Variants in PPP4R2 observed in about 807,000 individuals in gnomAD.
The protein encoded by PPP4R2 is protein phosphatase 4 regulatory subunit 2, also known as serine/threonine-protein phosphatase 4 regulatory subunit 2.
PPP4R2 carries 13 observed loss-of-function variants against 47.2 expected under a neutral mutation model. That is an observed-to-expected ratio of 0.28 (90% confidence interval 0.18 to 0.44). The LOEUF (loss-of-function observed/expected upper bound fraction) is 0.44. Ranked by LOEUF, PPP4R2 falls within the 20% of genes least tolerant of loss-of-function variation. PPP4R2 has a pLI of 1.00. For missense variants in PPP4R2, 421 were observed against 491.2 expected, an observed-to-expected ratio of 0.86 and a Z score of 1.35; for synonymous variants, 151 against 163.3, an observed-to-expected ratio of 0.92 and a Z score of 0.57.
chr3:73,010,661 C>T (rs1701705243), intron 2 of PPP4R2, among the ~76,000 whole-genome samples: 1 of 151,874 alleles, frequency 6.6e-6, no homozygotes, highest in Non-Finnish European at 1.5e-5. Flanking sequence ...CGGTTTCGAG[C>T]GATTCTCTTG....
intron 2 of PPP4R2, among the ~76,000 whole-genome samples, chr3:73,003,643 T>C (rs967141561): frequency 6.6e-5 from 10 of 152,200 alleles, no homozygotes; most frequent in African/African-American, 2.4e-4. Context: ...ATGAAGCTTA[T>C]TCTTTAATAG....
chr3:73,050,764 T>A (rs991181712), intron 3 of PPP4R2, among the ~76,000 whole-genome samples: 3 of 152,232 alleles, frequency 2.0e-5, no homozygotes, highest in Non-Finnish European at 2.9e-5. Flanking sequence ...TTTTCTATTA[T>A]GTGAATAATA....
chr3:73,037,269 G>C (rs942002972), intron 2 of PPP4R2, among the ~76,000 whole-genome samples: 9 of 152,114 alleles, frequency 5.9e-5, no homozygotes, highest in African/African-American at 2.2e-4. Context: ...TGAATCATCT[G>C]TATATTAGGT....
chr3:73,027,847 C>T (rs1303592766), intron 2 of PPP4R2: 1 of 150,862 alleles, frequency 6.6e-6, no homozygotes, highest in Non-Finnish European at 1.5e-5. Context: ...AGTAGGCTTT[C>T]TGGGAGGTCT....
Position 73,068,113 on chromosome 3 carries a change from T to C in PPP4R2, c.*2391T>C, listed in dbSNP as rs560648676. ...GGAAGTAAATTTCCGCAGGTATTCA[T>C]AGGTGCACTTAACACAGACTTTGCT... On this transcript the variant is annotated 3_prime_UTR_variant, in exon 9 of 9. Transcript: ENST00000356692. 6.6e-6 allele frequency: 1 copy of C among 152,294 alleles called. No homozygotes were observed. The highest frequency in any genetic ancestry group is 2.1e-4 in the South Asian group (1 of 4,830). 9.4% of individuals were successfully genotyped at this position (152,294 alleles called of 1,614,324 possible).
chr3:73,049,484 G>C (rs1702565618), intron 3 of PPP4R2, among the ~76,000 whole-genome samples: 1 of 151,954 alleles, frequency 6.6e-6, no homozygotes, highest in Admixed American at 6.6e-5. Flanking sequence ...GGGTGACAGA[G>C]TGAGACTCCA....
intron 2 of PPP4R2, among the ~76,000 whole-genome samples, chr3:73,011,201 C>T (rs1234543282): frequency 1.3e-5 from 2 of 152,174 alleles, no homozygotes; most frequent in Admixed American, 1.3e-4. Flanking sequence ...GCTTTCAGGC[C>T]AGGTGCGGTG....
chr3:73,062,460 G>C, intron 5 of PPP4R2: 9 of 1,612,610 alleles, frequency 5.6e-6, no homozygotes, highest in Non-Finnish European at 7.6e-6. Flanking sequence ...CCCAAGTTTA[G>C]TATTCTTGTG....
chr3:73,024,427 G>A (rs1174229457), intron 2 of PPP4R2, among the ~76,000 whole-genome samples: 1 of 152,052 alleles, frequency 6.6e-6, no homozygotes, highest in African/African-American at 2.4e-5. Context: ...GGTTACCTGC[G>A]GAGAACCAAA....
At chr3:73,035,979 A>G (rs1022247879) in intron 2 of PPP4R2, among the ~76,000 whole-genome samples, 2 of 152,214 alleles carry the variant, frequency 1.3e-5, no homozygotes, top group Admixed American at 1.3e-4. Flanking sequence ...GAATCAATCT[A>G]AGTATCTACA....
rs778030722 is a variant in PPP4R2 at position 73,059,146 on chromosome 3, T to C, written c.381+16T>C. On this transcript the variant is annotated intron_variant, in intron 4 of 8. Coordinates refer to ENST00000356692, the MANE Select transcript of PPP4R2 (RefSeq NM_174907.4). ...AGTAGAAAAGGTATTTATTTTATTA[T>C]TGGAATTATATTATGCTGTGGTGTA... 1.1e-5 allele frequency: 14 copies of C among 1,310,166 alleles called. 1 individual carries two copies. In the Admixed American group the frequency reaches 2.7e-4, roughly 25 times the overall value. 81.2% of individuals were successfully genotyped at this position (1,310,166 alleles called of 1,614,324 possible).
chr3:73,043,157 G>A (rs1418493403), intron 2 of PPP4R2, among the ~76,000 whole-genome samples: 1 of 152,018 alleles, frequency 6.6e-6, no homozygotes, highest in Non-Finnish European at 1.5e-5. Flanking sequence ...AAGTATAAGC[G>A]TCCTATTTCA....
intron 2 of PPP4R2, among the ~76,000 whole-genome samples, chr3:73,046,570 A>G (rs764793388): frequency 2.0e-4 from 31 of 152,168 alleles, no homozygotes; most frequent in Non-Finnish European, 3.7e-4. Flanking sequence ...TAGATGTGAA[A>G]AGTACCTAAG....
In PPP4R2 at chr3:73,061,641, A is replaced by G. The variant is rs533899204; in HGVS notation, c.419+581A>G. On this transcript the variant is annotated intron_variant, in intron 5 of 8. Coordinates refer to ENST00000356692, the MANE Select transcript of PPP4R2 (RefSeq NM_174907.4). ...CTCCAAATATCTTTAGACATTGCCAAATGTCTCTTGGAGATGTGAAAGGCA... is the reference window on the plus strand; with the variant it reads ...CTCCAAATATCTTTAGACATTGCCAGATGTCTCTTGGAGATGTGAAAGGCA... 3.4e-5 allele frequency: 6 copies of G among 177,218 alleles called. No homozygotes were observed. In the South Asian group the frequency reaches 6.8e-4, roughly 20 times the overall value. 11.0% of individuals were successfully genotyped at this position (177,218 alleles called of 1,614,324 possible). A position where few individuals can be genotyped will look rare whatever the true frequency, so the allele number is the denominator to read the frequency against.
At position 73,014,052 on chromosome 3, in the gene PPP4R2, T is replaced by A. The variant is rs1701776879; in HGVS notation, c.116+15894T>A. Among the ~76,000 whole-genome samples, 2 of 130,176 alleles carry A rather than the reference T, an allele frequency of 1.5e-5. 1 individual carries two copies. Among genetic ancestry groups the A allele is most frequent in the Non-Finnish European group, 3.6e-5 (2 of 56,108 alleles). The allele number at this position is 130,176 out of a possible 152,430, so 85.4% of individuals were successfully genotyped here. Reference sequence around the variant, plus strand: ...TATTTAACCTGTCTTCTTTGATGGTTTTTTGGGCAGTTTACAGTTACCAAC... The same window carrying A: ...TATTTAACCTGTCTTCTTTGATGGTATTTTGGGCAGTTTACAGTTACCAAC... On this transcript the variant is annotated intron_variant, in intron 2 of 8. Transcript: ENST00000356692.
Position 73,066,239 on chromosome 3 carries a change from C to CATATATATATATATATATATATATATAT in PPP4R2, c.*540_*541insTATATATATATATATATATATATATATA, listed in dbSNP as rs148662984. The CATATATATATATATATATATATATATAT allele has an allele frequency of 1.5e-5, 2 of 134,118 alleles. No individual in the cohort carries two copies. Among genetic ancestry groups the CATATATATATATATATATATATATATAT allele is most frequent in the Non-Finnish European group, 3.2e-5 (2 of 62,778 alleles). 8.3% of individuals were successfully genotyped at this position (134,118 alleles called of 1,614,324 possible). On this transcript the variant is annotated 3_prime_UTR_variant, in exon 9 of 9. Coordinates refer to ENST00000356692, the MANE Select transcript of PPP4R2 (RefSeq NM_174907.4). ...TGGAACTTTAAGTCATATATACATA[C>CATATATATATATATATATATATATATAT]ATATATATATATATATATATATAAT...
At chr3:73,025,757 A>G (rs11711166) in intron 2 of PPP4R2, among the ~76,000 whole-genome samples, 20,547 of 152,224 alleles carry the variant, frequency 0.13, 1,694 homozygotes, top group East Asian at 0.36. Context: ...TTAGAAAGAC[A>G]TTAGAAATTA....
At chr3:73,011,677 A>T (rs1701727646) in intron 2 of PPP4R2, among the ~76,000 whole-genome samples, 1 of 152,074 alleles carries the variant, frequency 6.6e-6, no homozygotes. Context: ...TGTAATTTTG[A>T]CTATTTTCCA....
At chr3:72,997,365 C>G in intron 1 of PPP4R2, 1 of 322,292 alleles carries the variant, frequency 3.1e-6, no homozygotes, top group Non-Finnish European at 5.7e-6. Context: ...GTGGCGGACC[C>G]GCAGACCCCT....
Sources: gnomAD v4.1 joint callset for allele counts (sites outside exome capture counted in the v4.1 genomes callset) on GRCh38, gnomAD v4.1.1 for gene constraint, MANE v1.5 for transcripts, NCBI Gene and HGNC (gene_info 2026-07-23, HGNC 2026-07-21) for gene names.